The following KLRG2 variants were observed in gnomAD, a reference collection of about 807,000 sequenced individuals.
The protein encoded by KLRG2 is killer cell lectin like receptor G2, also known as killer cell lectin-like receptor subfamily G member 2.
A neutral mutation model predicts 35.4 loss-of-function variants in KLRG2; 39 were observed. That is an observed-to-expected ratio of 1.10 (90% CI 0.85 to 1.44). KLRG2 has a LOEUF of 1.44. Among genes scored for constraint, KLRG2 ranks in the 40% most tolerant of loss-of-function variants. The pLI is 0.00. For synonymous variants in KLRG2, 283 were observed against 265.8 expected (o/e 1.06, Z -0.63); for missense variants, 632 against 570.9 (o/e 1.11, Z -1.09).
At chr7:139,473,691 C>T (rs562676727) in intron 3 of KLRG2, among the ~76,000 whole-genome samples, 21 of 152,222 alleles carry the variant, frequency 1.4e-4, no homozygotes, top group African/African-American at 4.6e-4. Flanking sequence ...AAGATGGCAT[C>T]AGCCAGGTAC....
At chr7:139,477,852 A>G (rs141330546) in intron 3 of KLRG2, among the ~76,000 whole-genome samples, 18,705 of 151,594 alleles carry the variant, frequency 0.12, 1,328 homozygotes, top group East Asian at 0.27. Context: ...TCCGCCTCCC[A>G]GGTTCATGCC....
chr7:139,477,512 A>C (rs1796871510), intron 3 of KLRG2, among the ~76,000 whole-genome samples: 1 of 152,152 alleles, frequency 6.6e-6, no homozygotes, highest in Non-Finnish European at 1.5e-5. Context: ...CACTTGTATG[A>C]GGTTCTTAGA....
chr7:139,480,026 T>C lies in KLRG2; in HGVS notation c.859+120A>G, dbSNP rs1288170149. The C allele has an allele frequency of 1.3e-5, 10 of 786,956 alleles. No homozygotes were observed. The East Asian group carries it at 1.5e-4, about 12-fold the overall frequency. The allele number at this position is 786,956 out of a possible 1,614,324, so 48.7% of individuals were successfully genotyped here. On this transcript the variant is annotated intron_variant, in intron 2 of 4. Transcript: ENST00000340940. ...CCTTAACTTTGCTCATCAAGCACCA[T>C]GTCTTCGTGTTGCATCTCCCAGTGT...
chr7:139,478,077 G>GAA (rs148011262), intron 3 of KLRG2, among the ~76,000 whole-genome samples: 6 of 143,238 alleles, frequency 4.2e-5, no homozygotes, highest in Admixed American at 6.9e-5. Context: ...TTTAAATGGG[G>GAA]AAAAAAAAAA....
At chr7:139,464,617 C>T (rs775808743) in intron 3 of KLRG2, among the ~76,000 whole-genome samples, 1 of 152,180 alleles carries the variant, frequency 6.6e-6, no homozygotes, top group Non-Finnish European at 1.5e-5. Context: ...CCCACACTAG[C>T]TCTCCCTAAC....
downstream of KLRG2, among the ~76,000 whole-genome samples, chr7:139,450,277 G>A (rs1424273254): frequency 1.3e-5 from 2 of 151,664 alleles, no homozygotes; most frequent in African/African-American, 4.8e-5. Context: ...AGGCTGGAGT[G>A]CAGTGGCGCG....
At position 139,483,139 on chromosome 7, in the gene KLRG2, C is replaced by G; in HGVS notation, c.504G>C (p.Ala168=). The G allele has an allele frequency of 6.7e-7, 1 of 1,486,850 alleles. No homozygotes were observed. 92.1% of individuals were successfully genotyped at this position (1,486,850 alleles called of 1,614,324 possible). Residue 168 remains alanine (A), a synonymous_variant, in exon 1 of 5, where the codon GCG becomes GCC. Transcript: ENST00000340940. ...ATGGTGCGCGCAGCAGGAGCTGGTG[C>G]GCCGGGTCCGCGTGGCGGGAGAAGG... ...SPAFSRHADP[A]HQLLLRAPSQ...
the KLRG2 span, among the ~76,000 whole-genome samples, chr7:139,445,781 G>GTGTA: frequency 3.1e-4 from 31 of 98,424 alleles, no homozygotes; most frequent in African/African-American, 1.5e-3. Context: ...ATATATATAT[G>GTGTA]TATATATATA....
In KLRG2 at chr7:139,460,662, A is replaced by G. The variant is rs549666831; in HGVS notation, c.1006-6448T>C. ...TGGGGAACAGAGCAAGACCCTGTCT[A>G]AAAAAAAAAAAGACAGCTGGGCACA... On this transcript the variant is annotated intron_variant, in intron 3 of 4. Transcript: ENST00000340940. Among the ~76,000 whole-genome samples, 392 of 143,770 alleles carry G rather than the reference A, an allele frequency of 2.7e-3. 3 individuals are homozygous for G. The highest frequency in any genetic ancestry group is 4.7e-3 in the Non-Finnish European group (304 of 64,792). The allele number at this position is 143,770 out of a possible 152,430, so 94.3% of individuals were successfully genotyped here.
chr7:139,449,149 C>T (rs192003939), downstream of KLRG2, among the ~76,000 whole-genome samples: 461 of 147,832 alleles, frequency 3.1e-3, 6 homozygotes, highest in African/African-American at 0.011. Flanking sequence ...CGCCTGTAAT[C>T]CCAGCACCTT....
intron 3 of KLRG2, among the ~76,000 whole-genome samples, chr7:139,479,377 G>A (rs935188652): frequency 6.6e-6 from 1 of 152,122 alleles, no homozygotes; most frequent in Non-Finnish European, 1.5e-5. Flanking sequence ...CACTGTGCCT[G>A]GCCAAAAAAA....
intron 3 of KLRG2, among the ~76,000 whole-genome samples, chr7:139,472,921 G>A (rs986389142): frequency 1.3e-5 from 2 of 152,178 alleles, no homozygotes. Flanking sequence ...AGAGCTATTC[G>A]GAAAGACGAA....
At chr7:139,434,383 G>T in the KLRG2 span, among the ~76,000 whole-genome samples, 1 of 152,092 alleles carries the variant, frequency 6.6e-6, no homozygotes, top group Non-Finnish European at 1.5e-5. Context: ...CCGGGCTTCT[G>T]CTTACAGCTG....
chr7:139,483,414 AC>A lies in KLRG2; in HGVS notation c.228del (p.Ser77ProfsTer50), dbSNP rs1032864670. On this transcript the variant is annotated frameshift_variant, in exon 1 of 5. Transcript: ENST00000340940. LOFTEE classifies it high-confidence loss of function. ...SKKKPPSPRP[G>X]SPRVPPLSLG... ...AGGCTGAGCGGCGGCACGCGCGGGG[AC>A]CCGGGGCGAGGCGAAGGCGGCTTTT... The A allele has an allele frequency of 3.2e-6, 5 of 1,550,184 alleles. No homozygotes were observed. The African/African-American group carries it at 7.1e-5, about 22-fold the overall frequency.
chr7:139,453,767 C>T, intron 4 of KLRG2, 60 bp from the exon 5 acceptor site: 1 of 1,599,954 alleles, frequency 6.3e-7, no homozygotes, highest in Non-Finnish European at 8.5e-7. Flanking sequence ...CCTTGCTTCC[C>T]AGCCAGACCC....
the KLRG2 span, among the ~76,000 whole-genome samples, chr7:139,439,318 G>A: frequency 1.3e-5 from 2 of 152,198 alleles, no homozygotes; most frequent in Non-Finnish European, 2.9e-5. Context: ...GAAGATGGAC[G>A]TGGTGGAACA....
chr7:139,459,807 A>G (rs1796538449), intron 3 of KLRG2, among the ~76,000 whole-genome samples: 3 of 151,594 alleles, frequency 2.0e-5, no homozygotes, highest in African/African-American at 7.3e-5. Context: ...GCTGGAGTGC[A>G]GTGGTGCAAT....
chr7:139,461,328 C>A (rs1703717268), intron 3 of KLRG2, among the ~76,000 whole-genome samples: 1 of 152,126 alleles, frequency 6.6e-6, no homozygotes, highest in South Asian at 2.1e-4. Flanking sequence ...TGAGCCAGGC[C>A]TTTGGTGCAA....
At chr7:139,482,733 C>T (rs775268061) in intron 1 of KLRG2, among the ~76,000 whole-genome samples, 153 bp downstream of exon 1, 1 of 152,176 alleles carries the variant, frequency 6.6e-6, no homozygotes, top group South Asian at 2.1e-4. Flanking sequence ...TGATTGTAAG[C>T]CCGAGAGGCC....
Sources: allele counts gnomAD v4.1 joint callset (sites outside exome capture counted in the v4.1 genomes callset), GRCh38; gene constraint gnomAD v4.1.1; transcripts MANE v1.5; gene names NCBI Gene and HGNC (gene_info 2026-07-23, HGNC 2026-07-21).